Variants in PHACTR2 observed in about 807,000 individuals in gnomAD.
PHACTR2 encodes the protein chromosome 6 open reading frame 56.
Under a neutral mutation model 76.0 loss-of-function variants are expected in PHACTR2, and 30 were observed. That is an observed-to-expected ratio of 0.39 (90% CI 0.30 to 0.54). The LOEUF (loss-of-function observed/expected upper bound fraction) is 0.54. Among genes scored for constraint, PHACTR2 ranks in the 20% least tolerant of loss-of-function variants. The probability of loss-of-function intolerance (pLI) is 0.61; values close to 1 mark genes in which losing one functional copy is unlikely to be tolerated. For synonymous variants in PHACTR2, 292 were observed against 292.5 expected (o/e 1.00, Z 0.02); for missense variants, 696 against 781.1 (o/e 0.89, Z 1.30).
At chr6:143,620,143 G>A (rs866270630) in intron 1 of PHACTR2, among the ~76,000 whole-genome samples, 4 of 152,122 alleles carry the variant, frequency 2.6e-5, no homozygotes, top group South Asian at 2.1e-4. Flanking sequence ...TCCAGACTTC[G>A]TGGAAAACCA....
rs12197846 is a variant in PHACTR2 at position 143,754,664 on chromosome 6, G to A, written c.454+752G>A. Among the ~76,000 whole-genome samples, 59,115 of 152,020 alleles carry A rather than the reference G, an allele frequency of 0.39. 11,517 individuals carry two copies. Among genetic ancestry groups the A allele is most frequent in the South Asian group, 0.42 (2,023 of 4,816 alleles). ...CCTAGTTATGGATTGATGACATCTC[G>A]ATACCACTGCTGTGATGCGTAGGAA... On this transcript the variant is annotated intron_variant, in intron 4 of 12. Transcript: ENST00000440869. The surrounding 1 kb of genome is among the most constrained non-coding windows in gnomAD (Gnocchi z 6.2).
rs565208506 is a variant in PHACTR2 at position 143,760,070 on chromosome 6, C to T, written c.455-331C>T. The stretch of plus-strand genomic sequence containing the variant: ...TTCAATTTAAATGTAGCACTTCATG[C>T]CCACATCATCATCCAGCAACCCCAG... On this transcript the variant is annotated intron_variant, in intron 4 of 12. Coordinates refer to ENST00000440869, the MANE Select transcript of PHACTR2 (RefSeq NM_001100164.2). The surrounding 1 kb of genome is among the most constrained non-coding windows in gnomAD (Gnocchi z 6.4). 6.6e-6 allele frequency among the ~76,000 whole-genome samples: 1 copy of T among 152,288 alleles called. No homozygotes were observed. Among genetic ancestry groups the T allele is most frequent in the Non-Finnish European group, 1.5e-5 (1 of 68,018 alleles).
At chr6:143,762,170 A>T (rs755022661) in intron 5 of PHACTR2, among the ~76,000 whole-genome samples, 14 of 152,160 alleles carry the variant, frequency 9.2e-5, no homozygotes, top group Non-Finnish European at 1.8e-4. Context: ...TTCTTAAAGA[A>T]CAGCCCCAAA....
At chr6:143,804,137 C>T (rs755197877) in intron 11 of PHACTR2, among the ~76,000 whole-genome samples, 2 of 152,138 alleles carry the variant, frequency 1.3e-5, no homozygotes, top group Non-Finnish European at 2.9e-5. Flanking sequence ...AGGGCTCGGC[C>T]CAGCAGTTTG....
upstream of PHACTR2, among the ~76,000 whole-genome samples, chr6:143,675,409 A>T (rs560459367): frequency 6.6e-6 from 1 of 152,190 alleles, no homozygotes; most frequent in East Asian, 1.9e-4. The surrounding 1 kb of genome is among the most constrained non-coding windows in gnomAD (Gnocchi z 4.9). Context: ...CTGGTGGGCC[A>T]AATTGTTACA....
At position 143,539,863 on chromosome 6, in the gene PHACTR2, G is replaced by A. The variant is rs114250356; in HGVS notation, c.217+2656G>A. Among the ~76,000 whole-genome samples the A allele has an allele frequency of 0.015, 2,242 of 152,252 alleles. 54 individuals carry two copies. Among genetic ancestry groups the A allele is most frequent in the African/African-American group, 0.05 (2,067 of 41,524 alleles). ...GGTTTTCAAACTTGGCTACACGTAG[G>A]AATTGCTTGGGGAGTTAACAACGAA... is the stretch of plus-strand genomic sequence containing the variant. On this transcript the variant is annotated intron_variant, in intron 1 of 11. Coordinates refer to the PHACTR2 transcript ENST00000367584. This position sits in a 1 kb window ranked among gnomAD's most constrained non-coding sequence, Gnocchi z 4.3.
In PHACTR2 at chr6:143,789,624, A is replaced by G. The variant is rs917233320; in HGVS notation, c.1845+714A>G. ...TTGTTTTTAAATTGTTCTAATTTTT[A>G]TCTCTTAGCAAAATCTGGTATTGAA... On this transcript the variant is annotated intron_variant, in intron 11 of 12. Transcript: ENST00000440869. The surrounding 1 kb of genome is among the most constrained non-coding windows in gnomAD (Gnocchi z 5.1). Among the ~76,000 whole-genome samples, 2 of 152,202 alleles carry G rather than the reference A, an allele frequency of 1.3e-5. No homozygotes were observed. Among genetic ancestry groups the G allele is most frequent in the African/African-American group, 2.4e-5 (1 of 41,460 alleles).
rs1776172882 is a variant in PHACTR2, at chr6:143,811,453, AT to A, written c.1922+4325del. Among the ~76,000 whole-genome samples, 2 of 152,148 alleles carry A rather than the reference AT, an allele frequency of 1.3e-5. No homozygotes were observed. Among genetic ancestry groups the A allele is most frequent in the Admixed American group, 6.6e-5 (1 of 15,260 alleles). On this transcript the variant is annotated intron_variant, in intron 12 of 12. Transcript: ENST00000440869. The surrounding 1 kb of genome is among the most constrained non-coding windows in gnomAD (Gnocchi z 4.1). ...TTGTATTTCATAAAAGTCTATTGAT[AT>A]TTTTATTGCTTATGTAAATATAAAC...
chr6:143,681,762 T>G (rs552725579), intron 1 of PHACTR2, among the ~76,000 whole-genome samples: 1 of 152,272 alleles, frequency 6.6e-6, no homozygotes, highest in Non-Finnish European at 1.5e-5. Flanking sequence ...AATTTTTATG[T>G]ATGGCGTCAT....
In PHACTR2 at chr6:143,539,207, G is replaced by T. The variant is rs990085471; in HGVS notation, c.217+2000G>T. ...TTTATAAAATTATTTTACTTCTGAG[G>T]ACTCTTTGTCTTTTCTGTGTCCTCT... On this transcript the variant is annotated intron_variant, in intron 1 of 11. Transcript: ENST00000367584. The surrounding 1 kb of genome is among the most constrained non-coding windows in gnomAD (Gnocchi z 4.3). Among the ~76,000 whole-genome samples, 8 of 152,206 alleles carry T rather than the reference G, an allele frequency of 5.3e-5. No individual in the cohort carries two copies. Among genetic ancestry groups the T allele is most frequent in the African/African-American group, 1.9e-4 (8 of 41,446 alleles).
rs895429588 is a variant in PHACTR2, at chr6:143,795,536, G to A, written c.1845+6626G>A. 2.0e-5 allele frequency among the ~76,000 whole-genome samples: 3 copies of A among 152,228 alleles called. No individual in the cohort carries two copies. Among genetic ancestry groups the A allele is most frequent in the African/African-American group, 4.8e-5 (2 of 41,446 alleles). ...GTTTCCTGCACTGAGGTAGATAGAC[G>A]AGCTGGCCCTTCAGTGGCAGAGAGG... is the stretch of plus-strand genomic sequence containing the variant. On this transcript the variant is annotated intron_variant, in intron 11 of 12. Transcript: ENST00000440869. The surrounding 1 kb of genome is among the most constrained non-coding windows in gnomAD (Gnocchi z 4.8).
Position 143,787,078 on chromosome 6 carries a change from C to A in PHACTR2, c.1708-1695C>A, listed in dbSNP as rs983118174. Among the ~76,000 whole-genome samples the A allele has an allele frequency of 1.3e-5, 2 of 152,142 alleles. No individual in the cohort carries two copies. Among genetic ancestry groups the A allele is most frequent in the Admixed American group, 6.5e-5 (1 of 15,282 alleles). ...CTGGGCACAGTCTTGTGATACAAAT[C>A]ATCTTTCTCAATCCAGCTGGGCCCC... On this transcript the variant is annotated intron_variant, in intron 10 of 12. Transcript: ENST00000440869. The surrounding 1 kb of genome is among the most constrained non-coding windows in gnomAD (Gnocchi z 4.6).
At chr6:143,769,009 C>G (rs1350263558) in intron 6 of PHACTR2, among the ~76,000 whole-genome samples, 7 of 152,190 alleles carry the variant, frequency 4.6e-5, no homozygotes, top group African/African-American at 1.7e-4. Context: ...GGCTCTTAGT[C>G]ACTTTCTTTA....
In PHACTR2 at chr6:143,698,718, C is replaced by G. The variant is rs1227892613; in HGVS notation, c.47-13298C>G. ...GGATGGTTGTTTGACTAATGTCAGCCTCTCTCATGGCCTGCAAGCCTCCTA... is the reference window on the plus strand; with the variant it reads ...GGATGGTTGTTTGACTAATGTCAGCGTCTCTCATGGCCTGCAAGCCTCCTA... On this transcript the variant is annotated intron_variant, in intron 1 of 12. Coordinates refer to ENST00000440869, the MANE Select transcript of PHACTR2 (RefSeq NM_001100164.2). This position sits in a 1 kb window ranked among gnomAD's most constrained non-coding sequence, Gnocchi z 4.3. 6.6e-6 allele frequency among the ~76,000 whole-genome samples: 1 copy of G among 152,082 alleles called. No individual in the cohort carries two copies. The highest frequency in any genetic ancestry group is 1.9e-4 in the East Asian group (1 of 5,198).
At chr6:143,817,837 T>C (rs1776332509) in intron 12 of PHACTR2, among the ~76,000 whole-genome samples, 1 of 152,148 alleles carries the variant, frequency 6.6e-6, no homozygotes, top group Admixed American at 6.5e-5. Flanking sequence ...CTAGTGGTTA[T>C]TAGAAGATAA....
chr6:143,610,831 A>G lies in PHACTR2; in HGVS notation c.13+2509A>G, dbSNP rs541920797. On this transcript the variant is annotated intron_variant, in intron 1 of 11. Transcript: ENST00000305766. The surrounding 1 kb of genome is among the most constrained non-coding windows in gnomAD (Gnocchi z 4.9). ...CTTTAAAAGCTTTTCCTGGAATAAC[A>G]ATAAAATATTTATCAAACTGTGTGT... Among the ~76,000 whole-genome samples the G allele has an allele frequency of 5.9e-5, 9 of 152,358 alleles. No homozygotes were observed. In the East Asian group the frequency reaches 1.7e-3, roughly 29 times the overall value.
In PHACTR2 at chr6:143,556,837, G is replaced by T. The variant is rs1336708061; in HGVS notation, c.217+19630G>T. Among the ~76,000 whole-genome samples, 1 of 152,212 alleles carries T rather than the reference G, an allele frequency of 6.6e-6. No individual in the cohort carries two copies. The highest frequency in any genetic ancestry group is 1.5e-5 in the Non-Finnish European group (1 of 68,034). On this transcript the variant is annotated intron_variant, in intron 1 of 11. Transcript: ENST00000367584. This position sits in a 1 kb window ranked among gnomAD's most constrained non-coding sequence, Gnocchi z 4.3. ...TTAGAAAAGCATGCTTTTAAAGTGT[G>T]TCATTTAAGAGTAAGTATTCTTTTT...
At chr6:143,644,935 A>T (rs201398613) in intron 1 of PHACTR2, among the ~76,000 whole-genome samples, 1 of 152,106 alleles carries the variant, frequency 6.6e-6, no homozygotes, top group African/African-American at 2.4e-5. Flanking sequence ...CCTGAGCAGT[A>T]TACACTGCAC....
intron 2 of PHACTR2, among the ~76,000 whole-genome samples, chr6:143,734,548 A>G (rs1778776390): frequency 2.0e-5 from 3 of 152,248 alleles, no homozygotes; most frequent in South Asian, 2.1e-4. Context: ...CAAATGAGAC[A>G]TGGATGCTAC....
Sources: allele counts gnomAD v4.1 joint callset (sites outside exome capture counted in the v4.1 genomes callset), GRCh38; gene constraint gnomAD v4.1.1; non-coding constraint Gnocchi (gnomAD v3.1); transcripts MANE v1.5; gene names NCBI Gene and HGNC (gene_info 2026-07-23, HGNC 2026-07-21).